Variants in CCDC141 observed in about 807,000 individuals in gnomAD.
CCDC141 encodes the protein coiled-coil domain containing 141.
Under a neutral mutation model 181.0 loss-of-function variants are expected in CCDC141, and 168 were observed. That is an observed-to-expected ratio of 0.93 (90% CI 0.82 to 1.05). The LOEUF (loss-of-function observed/expected upper bound fraction) is 1.05. CCDC141 is among the 50% of genes least tolerant of loss of function. The probability of loss-of-function intolerance (pLI) is 0.00; values close to 1 mark genes in which losing one functional copy is unlikely to be tolerated. For synonymous variants in CCDC141, 666 were observed against 642.3 expected, an observed-to-expected ratio of 1.04 and a Z score of -0.56; for missense variants, 1,902 against 1,788.5, an observed-to-expected ratio of 1.06 and a Z score of -1.14.
chr2:178,994,527 G>A (rs1158388829), intron 2 of CCDC141, among the ~76,000 whole-genome samples: 1 of 152,198 alleles, frequency 6.6e-6, no homozygotes, highest in Non-Finnish European at 1.5e-5. Context: ...TAGGCCTCCA[G>A]GCCTGTGATG....
intron 19 of CCDC141, among the ~76,000 whole-genome samples, chr2:178,853,849 A>G (rs1685270154): frequency 6.6e-6 from 1 of 152,238 alleles, no homozygotes; most frequent in African/African-American, 2.4e-5. Flanking sequence ...TATAAATAAA[A>G]CTATAAGAAA....
At chr2:178,884,307 G>C (rs1320201530) in intron 11 of CCDC141, among the ~76,000 whole-genome samples, 1 of 151,158 alleles carries the variant, frequency 6.6e-6, no homozygotes, top group Non-Finnish European at 1.5e-5. Context: ...GTTAAGCTTG[G>C]GAACTGGATC....
chr2:178,904,886 A>T (rs1687887504), intron 8 of CCDC141, among the ~76,000 whole-genome samples: 1 of 152,158 alleles, frequency 6.6e-6, no homozygotes, highest in South Asian at 2.1e-4. Context: ...AGGGTTTTGC[A>T]TGGTGAGCCA....
intron 3 of CCDC141, among the ~76,000 whole-genome samples, chr2:178,975,385 A>T (rs150128278): frequency 6.6e-6 from 1 of 152,182 alleles, no homozygotes; most frequent in East Asian, 1.9e-4. Flanking sequence ...GTCATTGGTA[A>T]GAACTTTCTT....
At chr2:178,891,835 T>C (rs1687166638) in intron 8 of CCDC141, among the ~76,000 whole-genome samples, 2 of 152,088 alleles carry the variant, frequency 1.3e-5, no homozygotes, top group African/African-American at 2.4e-5. Context: ...TCTCATTTTG[T>C]GGTGATTTAT....
chr2:178,855,354 A>G lies in CCDC141; in HGVS notation c.3053T>C (p.Ile1018Thr), dbSNP rs777102554. ...LDLTEHFQEV[I>T]EECHFWYEDA... ...ACTGCAAAAAGAGAATACCTCTTCT[A>G]TCACCTCCTGGAAATGCTCAGTCAG... The change falls in exon 19 of 24, where the codon ATA becomes ACA. Residue 1018 changes from isoleucine to threonine, a missense_variant. Transcript: ENST00000443758. 2.5e-6 allele frequency: 4 copies of G among 1,608,110 alleles called. No individual in the cohort carries two copies. In the South Asian group the frequency reaches 3.4e-5, roughly 14 times the overall value.
At chr2:178,975,409 T>C (rs548567427) in intron 3 of CCDC141, among the ~76,000 whole-genome samples, 1 of 152,154 alleles carries the variant, frequency 6.6e-6, no homozygotes, top group African/African-American at 2.4e-5. Flanking sequence ...CTTTCATACC[T>C]AATTATATAG....
chr2:178,843,061 A>T (rs1410174368), intron 22 of CCDC141, among the ~76,000 whole-genome samples: 2 of 152,172 alleles, frequency 1.3e-5, no homozygotes, highest in African/African-American at 4.8e-5. Context: ...TGCAAAAAAT[A>T]TTTCCATGCT....
chr2:178,870,257 CAGTG>C lies in CCDC141; in HGVS notation c.2206-956_2206-953del, dbSNP rs1457049089. Among the ~76,000 whole-genome samples, 20 of 93,112 alleles carry C rather than the reference CAGTG, an allele frequency of 2.1e-4. No individual in the cohort carries two copies. The East Asian group carries it at 5.5e-3, about 26-fold the overall frequency. 61.1% of individuals were successfully genotyped at this position (93,112 alleles called of 152,430 possible). ...AAAAAAAAAAAAAAAAAAAAAAAGA[CAGTG>C]AGAGAAAGATAGAGAATGCTACTAT... is the stretch of plus-strand genomic sequence containing the variant. On this transcript the variant is annotated intron_variant, in intron 14 of 23. Coordinates refer to ENST00000443758, the MANE Select transcript of CCDC141 (RefSeq NM_173648.4).
At chr2:178,872,425 G>A (rs1686161726) in intron 12 of CCDC141, 113 bp from the exon 13 acceptor site, 4 of 948,506 alleles carry the variant, frequency 4.2e-6, no homozygotes, top group African/African-American at 3.3e-5. Flanking sequence ...GCCGAAGATG[G>A]TTCTGACATC....
At chr2:178,857,765 T>C in intron 17 of CCDC141, among the ~76,000 whole-genome samples, 1 of 152,114 alleles carries the variant, frequency 6.6e-6, no homozygotes, top group East Asian at 1.9e-4. Context: ...ATAAGAGAAG[T>C]CAGAAAAGCA....
intron 2 of CCDC141, among the ~76,000 whole-genome samples, chr2:179,011,425 A>G (rs954337146): frequency 6.6e-6 from 1 of 152,156 alleles, no homozygotes; most frequent in Non-Finnish European, 1.5e-5. Context: ...AAAATATCAC[A>G]ATTCTAAACA....
chr2:179,016,037 C>G (rs1208875322), intron 2 of CCDC141, among the ~76,000 whole-genome samples: 1 of 147,462 alleles, frequency 6.8e-6, no homozygotes, highest in East Asian at 1.9e-4. Flanking sequence ...GAATTAACAG[C>G]ATTCACAATG....
intron 2 of CCDC141, among the ~76,000 whole-genome samples, chr2:179,014,900 A>G (rs2042380768): frequency 6.6e-6 from 1 of 151,538 alleles, no homozygotes; most frequent in South Asian, 2.1e-4. Context: ...CTACCATTTG[A>G]TCCAGCAATT....
intron 6 of CCDC141, among the ~76,000 whole-genome samples, chr2:178,939,873 C>T (rs996163704): frequency 6.6e-6 from 1 of 152,152 alleles, no homozygotes; most frequent in African/African-American, 2.4e-5. Context: ...AATTAAAGCA[C>T]TGGCTTTCAT....
At chr2:179,003,873 T>C (rs945412721) in intron 2 of CCDC141, among the ~76,000 whole-genome samples, 1 of 152,206 alleles carries the variant, frequency 6.6e-6, no homozygotes, top group Non-Finnish European at 1.5e-5. Context: ...TTGCTTTTTT[T>C]TCAGAATAAA....
In CCDC141 at chr2:178,855,373, C is replaced by T. The variant is rs750709446; in HGVS notation, c.3034G>A (p.Glu1012Lys). 2 of 1,611,306 alleles carry T rather than the reference C, an allele frequency of 1.2e-6. No individual in the cohort carries two copies. The highest frequency in any genetic ancestry group is 1.7e-6 in the Non-Finnish European group (2 of 1,179,190). ...TDYKKNLDLT[E>K]HFQEVIEECH... ...TCTTCTATCACCTCCTGGAAATGCT[C>T]AGTCAGGTCCAAATTCTTCTTGTAA... Residue 1012 changes from glutamate (E) to lysine (K), a missense_variant, in exon 19 of 24, where the codon GAG (glutamate) becomes AAG (lysine). By Grantham distance (56) the Glu-to-Lys change is moderately conservative. Transcript: ENST00000443758.
At chr2:178,837,792 T>C (rs1684552558) in intron 22 of CCDC141, 48 bp from the exon 23 acceptor site, 1 of 1,546,150 alleles carries the variant, frequency 6.5e-7, no homozygotes, top group Non-Finnish European at 8.7e-7. Flanking sequence ...ATTTTTCTTT[T>C]TCCAGTTTCA....
At chr2:178,896,486 T>C (rs1687413906) in intron 8 of CCDC141, among the ~76,000 whole-genome samples, 1 of 152,144 alleles carries the variant, frequency 6.6e-6, no homozygotes, top group African/African-American at 2.4e-5. Context: ...ATATGTACAT[T>C]TGATAACTTC....
Sources: gnomAD v4.1 joint callset for allele counts (sites outside exome capture counted in the v4.1 genomes callset) on GRCh38, gnomAD v4.1.1 for gene constraint, MANE v1.5 for transcripts, NCBI Gene and HGNC (gene_info 2026-07-23, HGNC 2026-07-21) for gene names.